UNC5D: variants seen among roughly 807,000 people sequenced by gnomAD.
The protein encoded by UNC5D is netrin receptor UNC5D.
Under a neutral mutation model 105.4 loss-of-function variants are expected in UNC5D, and 39 were observed. That is an observed-to-expected ratio of 0.37 (90% CI 0.29 to 0.48). The LOEUF is 0.48. Among genes scored for constraint, UNC5D ranks in the 20% least tolerant of loss-of-function variants. UNC5D has a pLI of 0.98. For missense variants in UNC5D, 991 were observed against 1,202.4 expected (o/e 0.82, Z 2.60); for synonymous variants, 452 against 450.4 (o/e 1.00, Z -0.04).
chr8:35,251,582 G>T (rs546870963), intron 1 of UNC5D, among the ~76,000 whole-genome samples: 2 of 152,088 alleles, frequency 1.3e-5, no homozygotes, highest in African/African-American at 2.4e-5. Flanking sequence ...AAGAATTCAG[G>T]TATTAATAAA....
chr8:35,414,771 G>T (rs1229787478), intron 1 of UNC5D, among the ~76,000 whole-genome samples: 1 of 152,098 alleles, frequency 6.6e-6, no homozygotes, highest in East Asian at 1.9e-4. Context: ...CACACTGGTT[G>T]TCTTATTCAT....
chr8:35,408,244 T>G (rs192267224), intron 1 of UNC5D, among the ~76,000 whole-genome samples: 1 of 152,086 alleles, frequency 6.6e-6, no homozygotes, highest in Admixed American at 6.6e-5. Flanking sequence ...TACTCAGCAA[T>G]TAAACATGAA....
chr8:35,245,554 G>A, intron 1 of UNC5D, among the ~76,000 whole-genome samples: 1 of 152,030 alleles, frequency 6.6e-6, no homozygotes, highest in Admixed American at 6.6e-5. Context: ...AGGGATATAA[G>A]GGTTTGGGGG....
At chr8:35,676,524 C>T (rs560505898) in intron 4 of UNC5D, among the ~76,000 whole-genome samples, 5 of 152,252 alleles carry the variant, frequency 3.3e-5, no homozygotes, top group Admixed American at 2.0e-4. Flanking sequence ...ATTTATTGAT[C>T]CCATAATGCT....
intron 1 of UNC5D, among the ~76,000 whole-genome samples, chr8:35,308,112 A>ATGTGTGTGTGTGTGTGTGTG (rs374542443): frequency 6.8e-6 from 1 of 147,682 alleles, no homozygotes. Context: ...CTATGTCACA[A>ATGTGTGTGTGTGTGTGTGTG]TGTATGTGTG....
chr8:35,572,599 T>C (rs1288921698), intron 3 of UNC5D, among the ~76,000 whole-genome samples: 1 of 152,156 alleles, frequency 6.6e-6, no homozygotes, highest in Non-Finnish European at 1.5e-5. Context: ...GCTTTCAGAT[T>C]GAGACTGGAG....
chr8:35,337,706 T>C (rs1347171655), intron 1 of UNC5D, among the ~76,000 whole-genome samples: 1 of 152,026 alleles, frequency 6.6e-6, no homozygotes, highest in Non-Finnish European at 1.5e-5. Context: ...AGAAAAACCA[T>C]AAAAGCCTCT....
In UNC5D at chr8:35,697,789, T is replaced by C. The variant is rs577901438; in HGVS notation, c.1085-8140T>C. 2.6e-5 allele frequency among the ~76,000 whole-genome samples: 4 copies of C among 152,302 alleles called. No homozygotes were observed. In the South Asian group the frequency reaches 8.3e-4, roughly 32 times the overall value. Reference sequence around the variant, plus strand: ...TATGTACAGGTAATTTGGTCTGTAATGTTAGATAAATGTTTGGTCTAGCAT... The same window carrying C: ...TATGTACAGGTAATTTGGTCTGTAACGTTAGATAAATGTTTGGTCTAGCAT... On this transcript the variant is annotated intron_variant, in intron 7 of 16. Coordinates refer to ENST00000404895, the MANE Select transcript of UNC5D (RefSeq NM_080872.4).
chr8:35,765,082 G>C (rs1033266288), intron 14 of UNC5D, among the ~76,000 whole-genome samples: 1 of 152,208 alleles, frequency 6.6e-6, no homozygotes, highest in African/African-American at 2.4e-5. Flanking sequence ...ATTCTCCGGT[G>C]AATGTCCAGA....
chr8:35,588,490 T>C (rs1050143119), intron 3 of UNC5D, among the ~76,000 whole-genome samples: 2 of 152,174 alleles, frequency 1.3e-5, no homozygotes, highest in Non-Finnish European at 2.9e-5. Context: ...TTGCAATCAC[T>C]AGATTTATGT....
At chr8:35,721,827 T>A (rs1292425011) in intron 8 of UNC5D, among the ~76,000 whole-genome samples, 3 of 152,220 alleles carry the variant, frequency 2.0e-5, no homozygotes, top group African/African-American at 4.8e-5. Flanking sequence ...ATTTTATCAC[T>A]GTGTGTGGGT....
At chr8:35,412,730 A>G (rs1805255026) in intron 1 of UNC5D, among the ~76,000 whole-genome samples, 1 of 152,120 alleles carries the variant, frequency 6.6e-6, no homozygotes, top group Non-Finnish European at 1.5e-5. Context: ...CCATTCTGCT[A>G]TGTTCTGATG....
At chr8:35,385,067 C>T (rs952523451) in intron 1 of UNC5D, among the ~76,000 whole-genome samples, 3 of 152,036 alleles carry the variant, frequency 2.0e-5, no homozygotes, top group Admixed American at 6.5e-5. Context: ...CTTGGCAGGC[C>T]GCCATGTAAC....
chr8:35,704,036 T>TG (rs1827377285), intron 7 of UNC5D, among the ~76,000 whole-genome samples: 1 of 152,208 alleles, frequency 6.6e-6, no homozygotes, highest in African/African-American at 2.4e-5. Flanking sequence ...GAAATGCAAG[T>TG]GTTCTCTGTT....
chr8:35,553,798 G>C (rs1480211021), intron 2 of UNC5D, among the ~76,000 whole-genome samples: 1 of 152,158 alleles, frequency 6.6e-6, no homozygotes, highest in East Asian at 1.9e-4. Flanking sequence ...GTTCTCCAAG[G>C]CAGAGCTGGG....
chr8:35,458,380 C>T (rs1808641972), intron 1 of UNC5D, among the ~76,000 whole-genome samples: 1 of 152,118 alleles, frequency 6.6e-6, no homozygotes, highest in Non-Finnish European at 1.5e-5. Context: ...CTGACAGTTG[C>T]TTGTTGCTGA....
chr8:35,641,366 C>CAAAAAAAAAAAAAAAAAAAAAAAAAAAAA (rs377021599), intron 4 of UNC5D, among the ~76,000 whole-genome samples: 10 of 44,284 alleles, frequency 2.3e-4, no homozygotes, highest in African/African-American at 3.4e-4. Flanking sequence ...AAAAATAAAG[C>CAAAAAAAAAAAAAAAAAAAAAAAAAAAAA]AAAAAAAAAA....
intron 1 of UNC5D, among the ~76,000 whole-genome samples, chr8:35,495,218 A>ACAG (rs1477898527): frequency 3.9e-5 from 6 of 152,172 alleles, no homozygotes; most frequent in Non-Finnish European, 7.4e-5. Context: ...ATACTTCAGA[A>ACAG]CAGCAGCACA....
intron 1 of UNC5D, among the ~76,000 whole-genome samples, chr8:35,239,738 T>C (rs1196160491): frequency 3.3e-5 from 5 of 151,702 alleles, no homozygotes; most frequent in Admixed American, 3.3e-4. Context: ...GCAACATCAT[T>C]GTCTTCTCTT....
Sources: allele counts gnomAD v4.1 joint callset (sites outside exome capture counted in the v4.1 genomes callset), GRCh38; gene constraint gnomAD v4.1.1; transcripts MANE v1.5; gene names NCBI Gene and HGNC (gene_info 2026-07-23, HGNC 2026-07-21).